The following NTRK2 variants were observed in gnomAD, a reference collection of about 807,000 sequenced individuals.
NTRK2 encodes neurotrophic receptor tyrosine kinase 2.
A neutral mutation model predicts 94.5 loss-of-function variants in NTRK2; 13 were observed. The observed-to-expected ratio is 0.14, with a 90% CI of 0.09 to 0.22. The LOEUF is 0.22. NTRK2 is among the 10% of genes least tolerant of loss of function. NTRK2 has a pLI of 1.00. For synonymous variants in NTRK2, 372 were observed against 407.4 expected (o/e 0.91, Z 1.05); for missense variants, 639 against 1,071.2 (o/e 0.60, Z 5.63).
At chr9:84,671,920 AT>A (rs1214248661) in intron 2 of NTRK2, among the ~76,000 whole-genome samples, 1 of 151,988 alleles carries the variant, frequency 6.6e-6, no homozygotes, top group Non-Finnish European at 1.5e-5. Flanking sequence ...TATTGTTATC[AT>A]TTTTTTCCTG....
intron 12 of NTRK2, among the ~76,000 whole-genome samples, chr9:84,759,335 G>C (rs572169464): frequency 6.6e-6 from 1 of 152,356 alleles, no homozygotes; most frequent in African/African-American, 2.4e-5. Context: ...TATTGAAAAT[G>C]TGTGTCAGAC....
At chr9:84,886,106 C>T (rs2076404661) in intron 14 of NTRK2, among the ~76,000 whole-genome samples, 1 of 151,982 alleles carries the variant, frequency 6.6e-6, no homozygotes, top group Non-Finnish European at 1.5e-5. Context: ...GGATTTCTAA[C>T]TCTCTAGGTC....
At chr9:84,797,589 TA>T (rs1169680490) in intron 12 of NTRK2, among the ~76,000 whole-genome samples, 1 of 91,506 alleles carries the variant, frequency 1.1e-5, no homozygotes, top group Admixed American at 1.9e-4. Flanking sequence ...ATATATACTA[TA>T]TATACTATAT....
chr9:84,796,356 A>G lies in NTRK2; in HGVS notation c.1396+44271A>G, dbSNP rs565249984. 2.0e-5 allele frequency among the ~76,000 whole-genome samples: 3 copies of G among 152,298 alleles called. No homozygotes were observed. The East Asian group carries it at 5.8e-4, about 29-fold the overall frequency. The stretch of plus-strand genomic sequence containing the variant: ...ATAAGGAGGCTTTTTCTTTTAATTC[A>G]AGATTAGAAGATCCTTCCCCCTTAC... On this transcript the variant is annotated intron_variant, in intron 12 of 18. Transcript: ENST00000277120.
intron 13 of NTRK2, among the ~76,000 whole-genome samples, chr9:84,862,508 G>A (rs990332713): frequency 3.3e-5 from 5 of 152,332 alleles, no homozygotes; most frequent in East Asian, 1.9e-4. Flanking sequence ...CTGCAAAAAT[G>A]TGGTTTTACT....
chr9:84,995,900 A>G (rs1475859677), intron 17 of NTRK2, among the ~76,000 whole-genome samples: 1 of 152,248 alleles, frequency 6.6e-6, no homozygotes, highest in African/African-American at 2.4e-5. Context: ...GACAAGAAAC[A>G]TATGGATTCT....
chr9:84,877,066 A>C, intron 14 of NTRK2: 2 of 1,063,868 alleles, frequency 1.9e-6, no homozygotes, highest in Non-Finnish European at 2.3e-6. Flanking sequence ...GCCAAGTAGC[A>C]GGCAGAATAA....
At chr9:84,792,068 G>T (rs938640458) in intron 12 of NTRK2, among the ~76,000 whole-genome samples, 5 of 152,120 alleles carry the variant, frequency 3.3e-5, no homozygotes, top group African/African-American at 1.2e-4. Flanking sequence ...TTCTTTCATT[G>T]AGTGTTGCTG....
At chr9:84,888,214 C>G (rs1246342876) in intron 14 of NTRK2, among the ~76,000 whole-genome samples, 1 of 152,116 alleles carries the variant, frequency 6.6e-6, no homozygotes, top group Non-Finnish European at 1.5e-5. Context: ...AGAAAGAAAA[C>G]TTTTTTTGAG....
At chr9:84,814,058 A>T in intron 12 of NTRK2, 1 of 1,065,074 alleles carries the variant, frequency 9.4e-7, no homozygotes, top group Non-Finnish European at 1.1e-6. Context: ...CACATTAGAG[A>T]TAATTGATTC....
intron 17 of NTRK2, among the ~76,000 whole-genome samples, chr9:84,958,458 A>G (rs778172497): frequency 5.1e-4 from 77 of 152,228 alleles, no homozygotes; most frequent in Non-Finnish European, 9.8e-4. Flanking sequence ...TTTCTTCTGA[A>G]ATGATCGGAA....
At chr9:84,919,298 A>G (rs1307477338) in intron 14 of NTRK2, among the ~76,000 whole-genome samples, 1 of 152,180 alleles carries the variant, frequency 6.6e-6, no homozygotes, top group Non-Finnish European at 1.5e-5. Flanking sequence ...CTAGTAGGCA[A>G]ATGCTTGGCA....
In NTRK2 at chr9:84,917,986, A is replaced by T. The variant is rs959503556; in HGVS notation, c.1634-16176A>T. 3.3e-5 allele frequency among the ~76,000 whole-genome samples: 5 copies of T among 152,212 alleles called. No individual in the cohort carries two copies. In the South Asian group the frequency reaches 8.3e-4, roughly 25 times the overall value. On this transcript the variant is annotated intron_variant, in intron 14 of 18. Transcript: ENST00000277120. The stretch of plus-strand genomic sequence containing the variant: ...GTGAGGTGTCTGGGTGTGCCCACAC[A>T]CCGAAATCAAGAGAGAATGGAAAGC...
chr9:85,009,851 T>C (rs1008061914), intron 17 of NTRK2, among the ~76,000 whole-genome samples: 7 of 152,214 alleles, frequency 4.6e-5, no homozygotes, highest in African/African-American at 1.7e-4. Context: ...GGTTTTCTGT[T>C]GATGTTACAC....
chr9:84,752,063 A>T lies in NTRK2; in HGVS notation c.1374A>T (p.Arg458Ser). 6.2e-7 allele frequency: 1 copy of T among 1,613,930 alleles called. No homozygotes were observed. The highest frequency in any genetic ancestry group is 8.5e-7 in the Non-Finnish European group (1 of 1,179,910). The change falls in exon 12 of 19, where the codon AGA (arginine) becomes AGT (serine). Residue 458 changes from arginine to serine, a missense_variant. By Grantham distance (110) the Arg-to-Ser change is moderately radical (BLOSUM62 -1). Around this residue, in one of 5 missense-constraint regions of NTRK2, gnomAD observed 343 missense variants for 571.5 expected, o/e 0.60. Coordinates refer to ENST00000277120, the MANE Select transcript of NTRK2 (RefSeq NM_006180.6). Reference protein sequence around the residue: ...LVMLFLLKLARHSKFGMKDFS... With the variant: ...LVMLFLLKLASHSKFGMKDFS... Reference sequence around the variant, plus strand: ...TGCTGTTTCTGCTTAAGTTGGCAAGACACTCCAAGTTTGGCATGAAAGGTA... The same window carrying T: ...TGCTGTTTCTGCTTAAGTTGGCAAGTCACTCCAAGTTTGGCATGAAAGGTA...
chr9:84,998,110 G>T (rs1263279267), intron 17 of NTRK2, among the ~76,000 whole-genome samples: 1 of 152,194 alleles, frequency 6.6e-6, no homozygotes, highest in Non-Finnish European at 1.5e-5. Context: ...GGAAGTGTTG[G>T]GATCTTTAAG....
intron 14 of NTRK2, among the ~76,000 whole-genome samples, chr9:84,910,334 G>A (rs1458004968): frequency 6.6e-6 from 1 of 152,074 alleles, no homozygotes; most frequent in Non-Finnish European, 1.5e-5. Context: ...AGGCTGTAGG[G>A]GAGAACTCTT....
At position 84,702,159 on chromosome 9, in the gene NTRK2, T is replaced by A; in HGVS notation, c.213T>A (p.Ile71=). 6.2e-7 allele frequency: 1 copy of A among 1,613,906 alleles called. No homozygotes were observed. The highest frequency in any genetic ancestry group is 8.5e-7 in the Non-Finnish European group (1 of 1,179,790). The change falls in exon 3 of 19, where the codon ATT becomes ATA. Residue 71 remains isoleucine, a splice_region_variant and synonymous_variant. Coordinates refer to ENST00000277120, the MANE Select transcript of NTRK2 (RefSeq NM_006180.6). ...NSVDPENITE[I]FIANQKRLEI... ...CGATTCACTCTCTGCTTTGTTACAG[T>A]TTCATCGCAAACCAGAAAAGGTTAG...
chr9:84,919,318 G>A (rs1421776338), intron 14 of NTRK2, among the ~76,000 whole-genome samples: 3 of 152,124 alleles, frequency 2.0e-5, no homozygotes, highest in Non-Finnish European at 4.4e-5. Flanking sequence ...ACTGTTTTTA[G>A]TCTAGTTTCT....
Sources: gnomAD v4.1 joint callset for allele counts (sites outside exome capture counted in the v4.1 genomes callset) on GRCh38, gnomAD v4.1.1 for gene constraint, gnomAD v4.1.1 regional missense constraint, MANE v1.5 for transcripts, NCBI Gene and HGNC (gene_info 2026-07-23, HGNC 2026-07-21) for gene names.